The following GLB1L2 variants were observed in gnomAD, a reference collection of about 807,000 sequenced individuals.
The protein encoded by GLB1L2 is beta-galactosidase-1-like protein 2.
In GLB1L2, 68 loss-of-function variants were observed where a neutral mutation model predicts 84.1. The ratio of observed to expected loss-of-function variants is 0.81; its 90% confidence interval spans 0.67 to 0.99. GLB1L2 has a LOEUF of 0.99. Among genes scored for constraint, GLB1L2 ranks in the 50% least tolerant of loss-of-function variants. The probability of loss-of-function intolerance (pLI) is 0.00; values close to 1 mark genes in which losing one functional copy is unlikely to be tolerated. For missense variants in GLB1L2, 762 were observed against 805.6 expected (o/e 0.95, Z 0.66); for synonymous variants, 290 against 318.0 (o/e 0.91, Z 0.94).
chr11:134,373,390 A>G (rs1047172572), intron 15 of GLB1L2, among the ~76,000 whole-genome samples: 28 of 152,194 alleles, frequency 1.8e-4, no homozygotes, highest in African/African-American at 6.3e-4. Context: ...CCCTGCAGCT[A>G]GGCCAGAACC....
chr11:134,337,762 G>A (rs181693673), intron 1 of GLB1L2, among the ~76,000 whole-genome samples: 1 of 152,286 alleles, frequency 6.6e-6, no homozygotes, highest in East Asian at 1.9e-4. Context: ...CCATCACATG[G>A]TGGCCTCTGG....
intron 1 of GLB1L2, 30 bp from the exon 2 acceptor site, chr11:134,342,724 C>T (rs375137544): frequency 6.3e-7 from 1 of 1,598,500 alleles, no homozygotes; most frequent in Non-Finnish European, 8.6e-7. Flanking sequence ...CCCGGAGCCT[C>T]CAGGCTCCAG....
chr11:134,367,341 G>C lies in GLB1L2; in HGVS notation c.889G>C (p.Glu297Gln), dbSNP rs1280517727. Residue 297 changes from glutamate (E) to glutamine (Q), a missense_variant and splice_region_variant, in exon 9 of 19, where the codon GAG becomes CAG. Physicochemically the swap from Glu to Gln is conservative, Grantham distance 29 (BLOSUM62 2). Around this residue, in one of 3 missense-constraint regions of GLB1L2, gnomAD observed 603 missense variants for 611.7 expected, o/e 0.99. Coordinates refer to ENST00000535456, the MANE Select transcript of GLB1L2 (RefSeq NM_001370461.1). ...CCCTCACAATATCTTGGATTCTTCT[G>C]GTGAGTGCTTGCGGTGACTACATCC... is the stretch of plus-strand genomic sequence containing the variant. Reference protein sequence around the residue: ...GGPHNILDSSEVLKTVSAIVD... With the variant: ...GGPHNILDSSQVLKTVSAIVD... 18 of 1,613,094 alleles carry C rather than the reference G, an allele frequency of 1.1e-5. No individual in the cohort carries two copies. The highest frequency in any genetic ancestry group is 8.5e-7 in the Non-Finnish European group (1 of 1,179,262).
At chr11:134,358,464 C>T (rs1943736905) in intron 6 of GLB1L2, among the ~76,000 whole-genome samples, 1 of 152,274 alleles carries the variant, frequency 6.6e-6, no homozygotes, top group Non-Finnish European at 1.5e-5. Flanking sequence ...CGTCACTGCC[C>T]CTCAAGCACA....
intron 17 of GLB1L2, 86 bp from the exon 18 acceptor site, chr11:134,374,516 G>T: frequency 9.2e-7 from 1 of 1,081,270 alleles, no homozygotes; most frequent in Admixed American, 1.7e-5. Flanking sequence ...TGGTCTCCTG[G>T]ACCTGAGAGA....
At chr11:134,344,611 C>T (rs142200643) in intron 3 of GLB1L2, among the ~76,000 whole-genome samples, 156 bp downstream of exon 3, 2,605 of 152,120 alleles carry the variant, frequency 0.017, 2 homozygotes, top group South Asian at 0.043. Flanking sequence ...CCAGACGCTC[C>T]CCAGTCGTGA....
chr11:134,336,518 T>C (rs1943390711), intron 1 of GLB1L2, among the ~76,000 whole-genome samples: 1 of 152,246 alleles, frequency 6.6e-6, no homozygotes, highest in South Asian at 2.1e-4. Context: ...TTTTAGCTAC[T>C]GTAAACAAAG....
Position 134,370,098 on chromosome 11 carries a change from C to T in GLB1L2, c.1109-195C>T, listed in dbSNP as rs376047857. On this transcript the variant is annotated intron_variant, in intron 11 of 18. Coordinates refer to ENST00000535456, the MANE Select transcript of GLB1L2 (RefSeq NM_001370461.1). This position sits in a 1 kb window ranked among gnomAD's most constrained non-coding sequence, Gnocchi z 4.7. ...AACGCTCCTTATCTCCTGTGGAGGA[C>T]GGGAGAACGCCCTGGCTTTCCCCCA... Among the ~76,000 whole-genome samples, 5 of 152,122 alleles carry T rather than the reference C, an allele frequency of 3.3e-5. No individual in the cohort carries two copies. Among genetic ancestry groups the T allele is most frequent in the African/African-American group, 4.8e-5 (2 of 41,428 alleles).
intron 15 of GLB1L2, 82 bp from the exon 16 acceptor site, chr11:134,373,639 C>T (rs1943985981): frequency 2.3e-6 from 2 of 874,478 alleles, no homozygotes; most frequent in African/African-American, 1.7e-5. Context: ...CCCAGCTTCC[C>T]AGGGCTTCCC....
At chr11:134,350,423 G>T (rs1489184886) in intron 5 of GLB1L2, among the ~76,000 whole-genome samples, 1 of 152,162 alleles carries the variant, frequency 6.6e-6, no homozygotes, top group Non-Finnish European at 1.5e-5. Flanking sequence ...TCAATGTAAA[G>T]TTCCCCAGTC....
intron 6 of GLB1L2, among the ~76,000 whole-genome samples, chr11:134,358,242 C>T (rs564716785): frequency 1.3e-5 from 2 of 152,368 alleles, no homozygotes; most frequent in East Asian, 3.9e-4. Context: ...AAGATCCTAG[C>T]ACCTCAGCAC....
In GLB1L2 at chr11:134,338,115, TCCGGATGTTCACGG is replaced by T. The variant is rs1013553208; in HGVS notation, c.87-4637_87-4624del. Among the ~76,000 whole-genome samples the T allele has an allele frequency of 6.7e-6, 1 of 148,202 alleles. No individual in the cohort carries two copies. The highest frequency in any genetic ancestry group is 2.6e-5 in the African/African-American group (1 of 37,768). ...TGGTCTCCACCGGCGGTCATCGTACTCCGGATGTTCACGGCACTCCGGATGTTCTGCTGTGCCCG... is the reference window on the plus strand; with the variant it reads ...TGGTCTCCACCGGCGGTCATCGTACTCACTCCGGATGTTCTGCTGTGCCCG... On this transcript the variant is annotated intron_variant, in intron 1 of 18. Transcript: ENST00000535456. This position sits in a 1 kb window ranked among gnomAD's most constrained non-coding sequence, Gnocchi z 6.2.
intron 8 of GLB1L2, among the ~76,000 whole-genome samples, chr11:134,365,468 C>A (rs1057126499): frequency 4.6e-5 from 7 of 152,196 alleles, no homozygotes; most frequent in Admixed American, 3.9e-4. Context: ...TGCTGTGTGA[C>A]CTTGGGCAAG....
At chr11:134,342,577 C>T (rs1045968025) in intron 1 of GLB1L2, among the ~76,000 whole-genome samples, 177 bp from the exon 2 acceptor site, 1 of 152,242 alleles carries the variant, frequency 6.6e-6, no homozygotes, top group Non-Finnish European at 1.5e-5. Context: ...TGCCGCGGGG[C>T]CCCGTGCTGA....
chr11:134,371,431 A>G lies in GLB1L2; in HGVS notation c.1367A>G (p.Asn456Ser). 7 of 1,586,612 alleles carry G rather than the reference A, an allele frequency of 4.4e-6. No individual in the cohort carries two copies. Among genetic ancestry groups the G allele is most frequent in the Non-Finnish European group, 6.1e-6 (7 of 1,154,774 alleles). The change falls in exon 14 of 19, where the codon AAC becomes AGC. Residue 456 changes from asparagine (N) to serine (S), a missense_variant. By Grantham distance (46) the Asn-to-Ser change is conservative. Coordinates refer to ENST00000535456, the MANE Select transcript of GLB1L2 (RefSeq NM_001370461.1). ...TGTTCCCTTTGGCAGGTGTTTGTGA[A>G]CACAGTATCCATAGGATTCTTGGAC... is the stretch of plus-strand genomic sequence containing the variant. The part of the protein sequence containing the change: ...HVHDRGQVFV[N>S]TVSIGFLDYK...
At position 134,338,101 on chromosome 11, in the gene GLB1L2, G is replaced by A. The variant is rs1450461742; in HGVS notation, c.87-4653G>A. Among the ~76,000 whole-genome samples the A allele has an allele frequency of 2.0e-5, 3 of 152,134 alleles. No individual in the cohort carries two copies. The highest frequency in any genetic ancestry group is 1.9e-4 in the East Asian group (1 of 5,182). On this transcript the variant is annotated intron_variant, in intron 1 of 18. Transcript: ENST00000535456. The surrounding 1 kb of genome is among the most constrained non-coding windows in gnomAD (Gnocchi z 6.2). Reference sequence around the variant, plus strand: ...GCGTGAGTGCTGCCTGGTCTCCACCGGCGGTCATCGTACTCCGGATGTTCA... The same window carrying A: ...GCGTGAGTGCTGCCTGGTCTCCACCAGCGGTCATCGTACTCCGGATGTTCA...
chr11:134,372,899 C>A (rs1943976119), intron 15 of GLB1L2, among the ~76,000 whole-genome samples: 1 of 152,222 alleles, frequency 6.6e-6, no homozygotes, highest in Non-Finnish European at 1.5e-5. Flanking sequence ...CCTGTCCTCA[C>A]TTCTGTTGTT....
intron 17 of GLB1L2, 35 bp from the exon 18 acceptor site, chr11:134,374,567 C>T (rs1351762574): frequency 5.3e-6 from 8 of 1,521,130 alleles, no homozygotes; most frequent in East Asian, 2.3e-5. Flanking sequence ...CTGTGGCTCT[C>T]GTGGTAGATG....
Position 134,370,970 on chromosome 11 carries a change from C to A in GLB1L2, c.1216-38C>A. 6.2e-7 allele frequency: 1 copy of A among 1,611,470 alleles called. No individual in the cohort carries two copies. Among genetic ancestry groups the A allele is most frequent in the Middle Eastern group, 1.7e-4 (1 of 6,038 alleles). On this transcript the variant is annotated intron_variant, in intron 12 of 18. Transcript: ENST00000535456. The surrounding 1 kb of genome is among the most constrained non-coding windows in gnomAD (Gnocchi z 4.7). ...AGAGTCTGTCTGTGACCCCACTCCT[C>A]CTGAGCCTGCCCACCCCTCCATCTC...
Sources: allele counts gnomAD v4.1 joint callset (sites outside exome capture counted in the v4.1 genomes callset), GRCh38; gene constraint gnomAD v4.1.1; regional missense constraint gnomAD v4.1.1; non-coding constraint Gnocchi (gnomAD v3.1); transcripts MANE v1.5; gene names NCBI Gene and HGNC (gene_info 2026-07-23, HGNC 2026-07-21).